The following ARHGAP32 variants were observed in gnomAD, a reference collection of about 807,000 sequenced individuals.
ARHGAP32 encodes rho GTPase-activating protein 32.
In ARHGAP32, 51 loss-of-function variants were observed where a neutral mutation model predicts 186.5. The observed-to-expected ratio is 0.27, with a 90% CI of 0.22 to 0.35. ARHGAP32 has a LOEUF of 0.35. ARHGAP32 is among the 10% of genes least tolerant of loss of function. The pLI is 1.00. For synonymous variants in ARHGAP32, 950 were observed against 964.3 expected, an observed-to-expected ratio of 0.99 and a Z score of 0.27; for missense variants, 2,186 against 2,623.5, an observed-to-expected ratio of 0.83 and a Z score of 3.64.
chr11:129,274,062 T>C (rs573695842), intron 1 of ARHGAP32, among the ~76,000 whole-genome samples: 1 of 152,032 alleles, frequency 6.6e-6, no homozygotes, highest in Non-Finnish European at 1.5e-5. Context: ...GAATTTTACT[T>C]CTATTCTGAA....
intron 10 of ARHGAP32, among the ~76,000 whole-genome samples, chr11:129,059,031 G>A (rs1035033182): frequency 1.3e-5 from 2 of 152,210 alleles, no homozygotes; most frequent in East Asian, 3.9e-4. Context: ...ATGCTTTGCA[G>A]TCCACAGTTG....
rs186834937 is a variant in ARHGAP32, at chr11:129,128,476, T to C, written c.226-3582A>G. Among the ~76,000 whole-genome samples the C allele has an allele frequency of 1.3e-3, 191 of 152,350 alleles. 2 individuals are homozygous for C. Among genetic ancestry groups the C allele is most frequent in the Middle Eastern group, 3.4e-3 (1 of 294 alleles). On this transcript the variant is annotated intron_variant, in intron 2 of 22. Coordinates refer to ENST00000682385, the MANE Select transcript of ARHGAP32 (RefSeq NM_001378024.1). ...GAAAAGCACATAAAGATTTTATCTC[T>C]GATTTTTAATTCCCCTAGATGACAT... is the stretch of plus-strand genomic sequence containing the variant.
At chr11:129,066,639 T>G in intron 7 of ARHGAP32, 92 bp downstream of exon 7, 1 of 1,196,406 alleles carries the variant, frequency 8.4e-7, no homozygotes, top group East Asian at 2.4e-5. Flanking sequence ...ACCCTGCGTG[T>G]TCAGTATAAG....
chr11:129,206,160 A>C (rs563131235), intron 1 of ARHGAP32, among the ~76,000 whole-genome samples: 2 of 152,302 alleles, frequency 1.3e-5, no homozygotes, highest in East Asian at 3.9e-4. Context: ...TCACTCAATT[A>C]CCACAAATAT....
chr11:129,184,560 A>G (rs1043695329), intron 1 of ARHGAP32, among the ~76,000 whole-genome samples: 3 of 152,076 alleles, frequency 2.0e-5, no homozygotes, highest in African/African-American at 4.8e-5. Flanking sequence ...TCAATTCACA[A>G]AGTAAAATGT....
At chr11:129,196,443 C>G (rs1944392914), upstream of ARHGAP32, among the ~76,000 whole-genome samples, 1 of 152,146 alleles carries the variant, frequency 6.6e-6, no homozygotes, top group Non-Finnish European at 1.5e-5. Context: ...TATAAGTGAT[C>G]TAGAGATGAT....
intron 11 of ARHGAP32, among the ~76,000 whole-genome samples, chr11:129,015,104 C>T (rs557922885): frequency 6.6e-6 from 1 of 152,168 alleles, no homozygotes; most frequent in South Asian, 2.1e-4. Context: ...GAAAATATAA[C>T]AAATGTTAAG....
chr11:129,119,566 T>C (rs958163886), intron 5 of ARHGAP32, among the ~76,000 whole-genome samples: 4 of 152,216 alleles, frequency 2.6e-5, no homozygotes, highest in African/African-American at 7.2e-5. Flanking sequence ...GTAGTTTTTA[T>C]GTGTCAATCA....
chr11:129,006,932 T>C (rs896852539), intron 11 of ARHGAP32, among the ~76,000 whole-genome samples: 3 of 152,036 alleles, frequency 2.0e-5, no homozygotes, highest in African/African-American at 7.2e-5. Flanking sequence ...GAGCTGGCAC[T>C]CAAACCATGA....
chr11:129,191,317 A>ATTACAAAAGGTATT (rs371065057), intron 1 of ARHGAP32, among the ~76,000 whole-genome samples: 1 of 151,994 alleles, frequency 6.6e-6, no homozygotes, highest in Non-Finnish European at 1.5e-5. Flanking sequence ...TTACATCGCT[A>ATTACAAAAGGTATT]ACTCTGAAAG....
intron 1 of ARHGAP32, among the ~76,000 whole-genome samples, chr11:129,261,200 T>C (rs1945316633): frequency 6.6e-6 from 1 of 152,014 alleles, no homozygotes; most frequent in Admixed American, 6.6e-5. Context: ...TTGTTGAAAT[T>C]GGTATAAAGT....
chr11:129,234,632 C>T (rs1944903741), intron 1 of ARHGAP32, among the ~76,000 whole-genome samples: 1 of 152,076 alleles, frequency 6.6e-6, no homozygotes, highest in South Asian at 2.1e-4. Context: ...AAAGATCTCC[C>T]TACTACTTAC....
At chr11:129,017,665 G>A in intron 11 of ARHGAP32, among the ~76,000 whole-genome samples, 1 of 152,002 alleles carries the variant, frequency 6.6e-6, no homozygotes, top group East Asian at 1.9e-4. Context: ...AGAATCATCT[G>A]GATTTATAAA....
intron 2 of ARHGAP32, among the ~76,000 whole-genome samples, chr11:129,162,987 A>T (rs1258662350): frequency 1.3e-5 from 2 of 152,326 alleles, no homozygotes; most frequent in Admixed American, 1.3e-4. Flanking sequence ...AATGCAAAGT[A>T]AATTTCCATA....
chr11:129,067,894 C>T (rs955762304), intron 6 of ARHGAP32, among the ~76,000 whole-genome samples: 4 of 151,964 alleles, frequency 2.6e-5, no homozygotes, highest in Non-Finnish European at 5.9e-5. Context: ...TGCATAATCC[C>T]ACTTTGGACT....
chr11:129,066,035 A>G (rs192515369), intron 7 of ARHGAP32, among the ~76,000 whole-genome samples: 2 of 152,284 alleles, frequency 1.3e-5, no homozygotes, highest in Admixed American at 6.5e-5. Flanking sequence ...TAGTTTATTT[A>G]AATCCATTTC....
intron 6 of ARHGAP32, among the ~76,000 whole-genome samples, chr11:129,067,135 A>G (rs1940719959): frequency 6.6e-6 from 1 of 152,086 alleles, no homozygotes. Flanking sequence ...CTTTCAGAAC[A>G]ATAACTGCTA....
intron 1 of ARHGAP32, 138 bp from the exon 2 acceptor site, chr11:129,164,565 A>G (rs2135488523): frequency 1.7e-6 from 1 of 573,424 alleles, no homozygotes. Flanking sequence ...AATAGCAGTG[A>G]TCCTTTATTT....
intron 1 of ARHGAP32, among the ~76,000 whole-genome samples, chr11:129,224,131 T>A (rs1944749325): frequency 6.6e-6 from 1 of 152,188 alleles, no homozygotes; most frequent in Non-Finnish European, 1.5e-5. Context: ...AGGAAAGCAG[T>A]AAAGACAACA....
Sources: allele counts gnomAD v4.1 joint callset (sites outside exome capture counted in the v4.1 genomes callset), GRCh38; gene constraint gnomAD v4.1.1; transcripts MANE v1.5; gene names NCBI Gene and HGNC (gene_info 2026-07-23, HGNC 2026-07-21).